Variants in RAB5A observed in about 807,000 individuals in gnomAD.
RAB5A encodes the protein ras-related protein Rab-5A.
A neutral mutation model predicts 25.7 loss-of-function variants in RAB5A; 8 were observed. The observed-to-expected ratio is 0.31, with a 90% confidence interval of 0.18 to 0.56. The LOEUF (loss-of-function observed/expected upper bound fraction) is 0.56. Among genes scored for constraint, RAB5A ranks in the 20% least tolerant of loss-of-function variants. The pLI is 0.91. For synonymous variants in RAB5A, 98 were observed against 89.8 expected, an observed-to-expected ratio of 1.09 and a Z score of -0.52; for missense variants, 192 against 259.7, an observed-to-expected ratio of 0.74 and a Z score of 1.79.
intron 5 of RAB5A, 176 bp downstream of exon 5, chr3:19,978,579 C>G (rs1229212151): frequency 1.9e-6 from 1 of 529,916 alleles, no homozygotes; most frequent in African/African-American, 1.9e-5. Flanking sequence ...TTCCACAAAA[C>G]AATATTTTGT....
At chr3:19,964,731 AGCCTCCTGAGGC>A (rs1222599795) in intron 2 of RAB5A, among the ~76,000 whole-genome samples, 1 of 152,110 alleles carries the variant, frequency 6.6e-6, no homozygotes, top group East Asian at 1.9e-4. Flanking sequence ...CTTGTGCCTC[AGCCTCCTGAGGC>A]TGGGACTACA....
chr3:19,969,045 G>GTTT (rs386396075), intron 2 of RAB5A, among the ~76,000 whole-genome samples: 1,938 of 102,982 alleles, frequency 0.019, 82 homozygotes, highest in Middle Eastern at 0.028. Context: ...TTTTTTTTTG[G>GTTT]TTTTTTTTTT....
intron 5 of RAB5A, among the ~76,000 whole-genome samples, chr3:19,981,720 TTTTA>T (rs1696931750): frequency 6.6e-6 from 1 of 152,186 alleles, no homozygotes. Context: ...AGGTAAGTTT[TTTTA>T]ATCAGTGGGA....
intron 5 of RAB5A, among the ~76,000 whole-genome samples, chr3:19,983,168 C>G (rs1407969095): frequency 6.6e-6 from 1 of 151,936 alleles, no homozygotes; most frequent in Non-Finnish European, 1.5e-5. Flanking sequence ...GAAACCCCGT[C>G]TCTACTAAAA....
intron 2 of RAB5A, among the ~76,000 whole-genome samples, chr3:19,969,056 T>G (rs1184581938): frequency 2.8e-5 from 4 of 142,150 alleles, no homozygotes; most frequent in African/African-American, 8.0e-5. Context: ...TTTTTTTTTT[T>G]TTTTTGAGAT....
chr3:19,978,545 G>T, intron 5 of RAB5A, 142 bp downstream of exon 5: 3 of 567,284 alleles, frequency 5.3e-6, no homozygotes, highest in East Asian at 2.9e-5. Flanking sequence ...GAGAGAGAGA[G>T]ATTATACCAC....
intron 2 of RAB5A, among the ~76,000 whole-genome samples, chr3:19,969,031 G>GT (rs1162365486): frequency 4.8e-4 from 48 of 99,732 alleles, no homozygotes; most frequent in South Asian, 2.2e-3. Flanking sequence ...TTTGGTTTTG[G>GT]TTTTTTTTTT....
chr3:19,949,365 A>G (rs1359209567), intron 1 of RAB5A, among the ~76,000 whole-genome samples: 1 of 152,112 alleles, frequency 6.6e-6, no homozygotes, highest in Non-Finnish European at 1.5e-5. Context: ...AGCTCATTTT[A>G]TGGGAAAGGC....
intron 4 of RAB5A, among the ~76,000 whole-genome samples, chr3:19,978,097 T>A (rs1350169172): frequency 6.6e-6 from 1 of 152,170 alleles, no homozygotes; most frequent in African/African-American, 2.4e-5. Context: ...ATGCAAGAAT[T>A]TCAGACAAAA....
intron 2 of RAB5A, among the ~76,000 whole-genome samples, chr3:19,952,824 A>G (rs1447255724): frequency 6.6e-6 from 1 of 151,732 alleles, no homozygotes; most frequent in Non-Finnish European, 1.5e-5. Context: ...CATTATATCC[A>G]GTTTAATAAT....
intron 2 of RAB5A, chr3:19,970,718 G>T (rs1696737733): frequency 2.5e-6 from 1 of 394,774 alleles, no homozygotes; most frequent in African/African-American, 2.1e-5. Flanking sequence ...ACAGATTCAG[G>T]TAAGTTTGTG....
chr3:19,979,077 A>G (rs993691277), intron 5 of RAB5A, among the ~76,000 whole-genome samples: 13 of 151,930 alleles, frequency 8.6e-5, no homozygotes, highest in African/African-American at 2.9e-4. Context: ...CCCGGATTCA[A>G]GCGGTTCTCC....
At chr3:19,967,559 A>G (rs963131685) in intron 2 of RAB5A, among the ~76,000 whole-genome samples, 8 of 152,216 alleles carry the variant, frequency 5.3e-5, no homozygotes, top group African/African-American at 1.9e-4. Context: ...TTAAGAGTGA[A>G]TTGTAGATAA....
chr3:19,966,834 T>A (rs1423449344), intron 2 of RAB5A, among the ~76,000 whole-genome samples: 1 of 152,128 alleles, frequency 6.6e-6, no homozygotes. Context: ...AAATAGGGTC[T>A]CACTCTGTCA....
In RAB5A at chr3:19,947,262, A is replaced by G. The variant is rs954114212; in HGVS notation, c.-353A>G. 4.2e-5 allele frequency: 5 copies of G among 117,774 alleles called. 1 individual carries two copies. The highest frequency in any genetic ancestry group is 2.9e-4 in the Admixed American group (3 of 10,206). The allele number at this position is 117,774 out of a possible 1,614,324, so 7.3% of individuals were successfully genotyped here. A position where few individuals can be genotyped will look rare whatever the true frequency, so the allele number is the denominator to read the frequency against. On this transcript the variant is annotated 5_prime_UTR_variant, in exon 1 of 6. Transcript: ENST00000273047. ...AGGAGGAAGAATTAGTCGGAACTCC[A>G]GCGCCGGCGGCGGCGGCGGCGGCGG...
chr3:19,951,260 T>C, intron 2 of RAB5A, 199 bp downstream of exon 2: 1 of 536,592 alleles, frequency 1.9e-6, no homozygotes, highest in Non-Finnish European at 3.2e-6. Context: ...GTTTGGTTAA[T>C]CCCTTGTGGT....
At chr3:19,954,017 T>C (rs777835617) in intron 2 of RAB5A, among the ~76,000 whole-genome samples, 6 of 147,850 alleles carry the variant, frequency 4.1e-5, no homozygotes, top group Non-Finnish European at 9.2e-5. Flanking sequence ...ATTTCAACTG[T>C]TGGTTTATTT....
intron 1 of RAB5A, among the ~76,000 whole-genome samples, chr3:19,949,805 G>A (rs761327039): frequency 2.0e-5 from 3 of 152,178 alleles, no homozygotes; most frequent in African/African-American, 4.8e-5. Flanking sequence ...AGCACTTTGC[G>A]AGGCTGAGGC....
intron 1 of RAB5A, among the ~76,000 whole-genome samples, chr3:19,949,833 C>T (rs1696396792): frequency 6.6e-6 from 1 of 152,032 alleles, no homozygotes; most frequent in Admixed American, 6.6e-5. Context: ...TTGCTTGAGC[C>T]CGAGAGTTCA....
Sources: allele counts gnomAD v4.1 joint callset (sites outside exome capture counted in the v4.1 genomes callset), GRCh38; gene constraint gnomAD v4.1.1; transcripts MANE v1.5; gene names NCBI Gene and HGNC (gene_info 2026-07-23, HGNC 2026-07-21).